The following SEC16A variants were observed in gnomAD, a reference collection of about 807,000 sequenced individuals.
SEC16A encodes SEC16 homolog A, endoplasmic reticulum export factor, also known as protein transport protein Sec16A.
Under a neutral mutation model 221.9 loss-of-function variants are expected in SEC16A, and 110 were observed. The ratio of observed to expected loss-of-function variants is 0.50; its 90% CI spans 0.42 to 0.58. SEC16A has a LOEUF of 0.58. Ranked by LOEUF, SEC16A falls within the 20% of genes least tolerant of loss-of-function variation. SEC16A has a pLI of 0.00. For synonymous variants in SEC16A, 1,393 were observed against 1,257.7 expected, an observed-to-expected ratio of 1.11 and a Z score of -2.28; for missense variants, 3,165 against 3,097.8, an observed-to-expected ratio of 1.02 and a Z score of -0.52.
intron 31 of SEC16A, among the ~76,000 whole-genome samples, chr9:136,443,303 C>T (rs935838383): frequency 6.6e-6 from 1 of 152,228 alleles, no homozygotes; most frequent in East Asian, 1.9e-4. Context: ...GGTGTCCACA[C>T]AAAGGGAGAA....
intron 22 of SEC16A, among the ~76,000 whole-genome samples, chr9:136,453,111 A>T (rs1838107662): frequency 6.6e-6 from 1 of 151,912 alleles, no homozygotes; most frequent in Non-Finnish European, 1.5e-5. Flanking sequence ...GAGATGTAGA[A>T]ATCAGAGAAG....
chr9:136,482,433 C>CA (rs1486850241), intron 1 of SEC16A, among the ~76,000 whole-genome samples: 1 of 152,202 alleles, frequency 6.6e-6, no homozygotes, highest in Non-Finnish European at 1.5e-5. Context: ...ACTTCCATCA[C>CA]AAAGGGGCGA....
rs1467646998 is a variant in SEC16A, at chr9:136,461,230, A to G, written c.4938T>C (p.Ala1646=). The part of the protein sequence containing the change: ...SAMKNGLWGH[A]LLLASKMDSR... The stretch of plus-strand genomic sequence containing the variant: ...TGTCCATCTTACTTGCAAGTAGCAG[A>G]GCGTGACCCCACAGGCCATTCTTCA... The change falls in exon 13 of 32, where the codon GCT becomes GCC. Residue 1646 remains alanine, a synonymous_variant. Coordinates refer to ENST00000684901, the MANE Select transcript of SEC16A (RefSeq NM_014866.2). 1.2e-6 allele frequency: 2 copies of G among 1,609,468 alleles called. No homozygotes were observed. Among genetic ancestry groups the G allele is most frequent in the Non-Finnish European group, 1.7e-6 (2 of 1,178,068 alleles).
chr9:136,458,495 G>A (rs764874664), intron 17 of SEC16A, among the ~76,000 whole-genome samples: 1 of 152,038 alleles, frequency 6.6e-6, no homozygotes, highest in Non-Finnish European at 1.5e-5. Context: ...GGGCGTGGTC[G>A]TGGGTGCCTG....
intron 11 of SEC16A, 24 bp from the exon 12 acceptor site, chr9:136,463,156 AAGG>A (rs759766069): frequency 2.5e-6 from 4 of 1,604,648 alleles, no homozygotes; most frequent in Non-Finnish European, 3.4e-6. Flanking sequence ...CAGGAACAGG[AAGG>A]AGAACAACGG....
intron 28 of SEC16A, 71 bp downstream of exon 28, chr9:136,446,784 G>A (rs1262544035): frequency 6.8e-7 from 1 of 1,468,976 alleles, no homozygotes; most frequent in African/African-American, 1.4e-5. Flanking sequence ...AGAAGGCAAG[G>A]CCCTGTCTGG....
chr9:136,442,698 C>T lies in SEC16A; in HGVS notation c.7006-875G>A, dbSNP rs188249699. ...TGAAGCCCTCCAGGTCCCAGGGAAA[C>T]GGACCCTGAAAGGGGCTGCAGGCAG... On this transcript the variant is annotated intron_variant, in intron 31 of 31. Coordinates refer to ENST00000684901, the MANE Select transcript of SEC16A (RefSeq NM_014866.2). 2.3e-3 allele frequency among the ~76,000 whole-genome samples: 348 copies of T among 152,346 alleles called. 2 individuals are homozygous for T. Among genetic ancestry groups the T allele is most frequent in the Middle Eastern group, 0.014 (4 of 294 alleles).
intron 4 of SEC16A, among the ~76,000 whole-genome samples, chr9:136,471,655 C>T (rs1278055329): frequency 2.6e-5 from 4 of 152,216 alleles, no homozygotes; most frequent in Admixed American, 6.5e-5. Context: ...GACCAACAGA[C>T]GTGCCCCGTC....
At chr9:136,458,248 C>T (rs1328184938) in intron 17 of SEC16A, among the ~76,000 whole-genome samples, 1 of 151,254 alleles carries the variant, frequency 6.6e-6, no homozygotes, top group Non-Finnish European at 1.5e-5. Flanking sequence ...GGATTACAGG[C>T]ATGAGCCGCC....
In SEC16A at chr9:136,466,526, C is replaced by T. The variant is rs777311146; in HGVS notation, c.3930-64G>A. On this transcript the variant is annotated intron_variant, in intron 6 of 31. Coordinates refer to ENST00000684901, the MANE Select transcript of SEC16A (RefSeq NM_014866.2). The surrounding 1 kb of genome is among the most constrained non-coding windows in gnomAD (Gnocchi z 5.5). ...TGCCGGAGGCCCCGTCCCCATGTGC[C>T]ACGCAGCTGCCCAGGAGCTGAGACC... 1.2e-4 allele frequency: 169 copies of T among 1,459,734 alleles called. 2 individuals are homozygous for T. The Middle Eastern group carries it at 3.9e-3, about 34-fold the overall frequency. 90.4% of individuals were successfully genotyped at this position (1,459,734 alleles called of 1,614,324 possible).
intron 8 of SEC16A, 80 bp downstream of exon 8, chr9:136,465,882 G>T: frequency 7.1e-7 from 1 of 1,412,740 alleles, no homozygotes; most frequent in Non-Finnish European, 9.7e-7. Flanking sequence ...TCCCAGCCCT[G>T]ACTCCCGTGT....
chr9:136,478,717 C>T lies in SEC16A; in HGVS notation c.-78G>A, dbSNP rs1159147983. On this transcript the variant is annotated 5_prime_UTR_variant, in exon 2 of 32. Coordinates refer to ENST00000684901, the MANE Select transcript of SEC16A (RefSeq NM_014866.2). Reference sequence around the variant, plus strand: ...GACATGGTGGCACACACCTGTAGTCCCAGGGACTCAGGGGGTTAAGGAAGG... The same window carrying T: ...GACATGGTGGCACACACCTGTAGTCTCAGGGACTCAGGGGGTTAAGGAAGG... 6.6e-6 allele frequency among the ~76,000 whole-genome samples: 1 copy of T among 151,742 alleles called. No individual in the cohort carries two copies. The highest frequency in any genetic ancestry group is 2.4e-5 in the African/African-American group (1 of 41,264).
rs539013953 is a variant in SEC16A at position 136,474,232 on chromosome 9, G to A, written c.3384C>T (p.Gly1128=). ...CTGACGGCACAGCTGCCTGGCCGGAGCCACTGGACACCAGAGACACGCTAG... is the reference window on the plus strand; with the variant it reads ...CTGACGGCACAGCTGCCTGGCCGGAACCACTGGACACCAGAGACACGCTAG... The part of the protein sequence containing the change: ...QSSSVSLVSS[G]SGQAAVPSEQ... The change falls in exon 3 of 32, where the codon GGC becomes GGT. Residue 1128 remains glycine, a synonymous_variant. Transcript: ENST00000684901. 1 of 1,610,230 alleles carries A rather than the reference G, an allele frequency of 6.2e-7. No individual in the cohort carries two copies. Among genetic ancestry groups the A allele is most frequent in the Admixed American group, 1.7e-5 (1 of 59,366 alleles).
At chr9:136,473,146 C>A (rs1841115551) in intron 3 of SEC16A, among the ~76,000 whole-genome samples, 1 of 152,252 alleles carries the variant, frequency 6.6e-6, no homozygotes, top group South Asian at 2.1e-4. Flanking sequence ...GGGGCAGTAC[C>A]CAGCAAGCCA....
At chr9:136,455,493 C>G (rs1319181244) in intron 20 of SEC16A, 108 bp downstream of exon 20, 6 of 1,060,188 alleles carry the variant, frequency 5.7e-6, no homozygotes, top group Non-Finnish European at 8.0e-6. Flanking sequence ...CTGCCTCCAA[C>G]AGTCCACATC....
Position 136,475,572 on chromosome 9 carries a change from T to C in SEC16A, c.2044A>G (p.Thr682Ala), listed in dbSNP as rs1564533039. ...GGAAGCATGTGCACAGCTTCCGTGG[T>C]GGAGTTAAGAGGCAGGGGACAGACC... The part of the protein sequence containing the change: ...PQVCPLPLNS[T>A]TEAVHMLPHA... Residue 682 changes from threonine (T) to alanine (A), a missense_variant, in exon 3 of 32, where the codon ACC becomes GCC. This residue lies in a region of SEC16A where 2,030 missense variants were observed against 1,923.1 expected (regional missense o/e 1.06). Transcript: ENST00000684901. The surrounding 1 kb of genome is among the most constrained non-coding windows in gnomAD (Gnocchi z 5.0). The C allele has an allele frequency of 6.2e-7, 1 of 1,613,302 alleles. No individual in the cohort carries two copies. The highest frequency in any genetic ancestry group is 8.5e-7 in the Non-Finnish European group (1 of 1,179,722).
At chr9:136,443,327 AG>A in intron 31 of SEC16A, among the ~76,000 whole-genome samples, 1 of 152,310 alleles carries the variant, frequency 6.6e-6, no homozygotes, top group East Asian at 1.9e-4. Context: ...GCAGCCGGGG[AG>A]GGCCCAGCCT....
intron 29 of SEC16A, 80 bp downstream of exon 29, chr9:136,445,565 C>A: frequency 1.9e-6 from 2 of 1,056,530 alleles, no homozygotes; most frequent in South Asian, 1.4e-5. Context: ...TACCGCCCCT[C>A]CATAAAGGAA....
chr9:136,441,109 C>T lies in SEC16A; in HGVS notation c.*646G>A, dbSNP rs1367329515. On this transcript the variant is annotated 3_prime_UTR_variant, in exon 32 of 32. Coordinates refer to ENST00000684901, the MANE Select transcript of SEC16A (RefSeq NM_014866.2). Reference sequence around the variant, plus strand: ...ACAGAAAGTAAAGTGAGGCTGGAAGCGTCTTTGCAACAGGAAAGAAATTCA... The same window carrying T: ...ACAGAAAGTAAAGTGAGGCTGGAAGTGTCTTTGCAACAGGAAAGAAATTCA... The T allele has an allele frequency of 2.0e-5, 3 of 152,676 alleles. No individual in the cohort carries two copies. The highest frequency in any genetic ancestry group is 2.4e-5 in the African/African-American group (1 of 41,454). The allele number at this position is 152,676 out of a possible 1,614,324, so 9.5% of individuals were successfully genotyped here.
Sources: allele counts gnomAD v4.1 joint callset (sites outside exome capture counted in the v4.1 genomes callset), GRCh38; gene constraint gnomAD v4.1.1; regional missense constraint gnomAD v4.1.1; non-coding constraint Gnocchi (gnomAD v3.1); transcripts MANE v1.5; gene names NCBI Gene and HGNC (gene_info 2026-07-23, HGNC 2026-07-21).